PSD3: variants seen among roughly 807,000 people sequenced by gnomAD.
PSD3 encodes PH and SEC7 domain-containing protein 3.
Under a neutral mutation model 105.5 loss-of-function variants are expected in PSD3, and 49 were observed. That is an observed-to-expected ratio of 0.46 (90% confidence interval 0.37 to 0.59). PSD3 has a LOEUF of 0.59. Ranked by LOEUF, PSD3 falls within the 20% of genes least tolerant of loss-of-function variation. The pLI, the probability that PSD3 is intolerant of heterozygous loss-of-function variation, is 0.00. For synonymous variants in PSD3, 557 were observed against 457.8 expected (o/e 1.22, Z -2.77); for missense variants, 1,561 against 1,263.8 (o/e 1.24, Z -3.57).
intron 9 of PSD3, among the ~76,000 whole-genome samples, chr8:18,731,309 A>T (rs1254613390): frequency 6.6e-6 from 1 of 152,192 alleles, no homozygotes; most frequent in Non-Finnish European, 1.5e-5. Context: ...ATTTATTCTG[A>T]CTATGGACTA....
intron 4 of PSD3, chr8:18,808,631 A>C (rs1811409281): frequency 7.8e-7 from 1 of 1,277,144 alleles, no homozygotes; most frequent in Non-Finnish European, 1.1e-6. Context: ...AGCACAAAGG[A>C]TAAATATGTC....
intron 9 of PSD3, among the ~76,000 whole-genome samples, chr8:18,657,553 G>A (rs530993079): frequency 6.6e-6 from 1 of 152,184 alleles, no homozygotes; most frequent in Non-Finnish European, 1.5e-5. Flanking sequence ...CAAAGACTAT[G>A]CTATAAATTG....
At chr8:18,934,094 T>C (rs1179763787) in intron 2 of PSD3, among the ~76,000 whole-genome samples, 2 of 152,226 alleles carry the variant, frequency 1.3e-5, no homozygotes, top group East Asian at 1.9e-4. Flanking sequence ...AGTTATTATA[T>C]GGCTGTGTAT....
chr8:18,658,056 G>A (rs1363071571), intron 9 of PSD3, among the ~76,000 whole-genome samples: 1 of 152,192 alleles, frequency 6.6e-6, no homozygotes, highest in Non-Finnish European at 1.5e-5. Flanking sequence ...GATATCTCAT[G>A]AAGATAATCT....
intron 2 of PSD3, among the ~76,000 whole-genome samples, chr8:18,914,899 C>G (rs1230660890): frequency 2.6e-5 from 4 of 152,122 alleles, no homozygotes; most frequent in Admixed American, 2.6e-4. Flanking sequence ...ATAACCAAAC[C>G]AATCTGGTGC....
chr8:18,675,024 TAAAG>T (rs1287947594), intron 9 of PSD3, among the ~76,000 whole-genome samples: 1 of 150,432 alleles, frequency 6.6e-6, no homozygotes, highest in Non-Finnish European at 1.5e-5. Flanking sequence ...AAAGCAACAA[TAAAG>T]AAAAGTGTCA....
At chr8:18,623,531 C>T (rs28393119) in intron 11 of PSD3, among the ~76,000 whole-genome samples, 11,585 of 146,370 alleles carry the variant, frequency 0.079, 560 homozygotes, top group East Asian at 0.19. Flanking sequence ...TCCCAGCTAT[C>T]TGGGTGGCTG....
chr8:18,870,787 C>A (rs750814171), intron 3 of PSD3, among the ~76,000 whole-genome samples: 8 of 152,082 alleles, frequency 5.3e-5, no homozygotes, highest in Non-Finnish European at 1.2e-4. Flanking sequence ...TACTTCTGAC[C>A]CCCTGAGATG....
intron 9 of PSD3, among the ~76,000 whole-genome samples, chr8:18,757,938 T>C (rs1348805978): frequency 6.6e-6 from 1 of 152,208 alleles, no homozygotes; most frequent in Non-Finnish European, 1.5e-5. Flanking sequence ...AGCCTATTTT[T>C]ATATGATGCC....
chr8:18,926,967 C>G (rs553910632), intron 2 of PSD3, among the ~76,000 whole-genome samples: 1 of 151,998 alleles, frequency 6.6e-6, no homozygotes, highest in African/African-American at 2.4e-5. Flanking sequence ...GGGTCTAGAT[C>G]AAGGATCCCA....
intron 4 of PSD3, among the ~76,000 whole-genome samples, chr8:18,864,285 T>A (rs1001729996): frequency 1.3e-5 from 2 of 152,222 alleles, no homozygotes; most frequent in Non-Finnish European, 2.9e-5. Flanking sequence ...GTGTGACCTT[T>A]AGCAAGTTAC....
At position 18,687,806 on chromosome 8, in the gene PSD3, G is replaced by A. The variant is rs182395274; in HGVS notation, c.2173-32121C>T. 5.7e-3 allele frequency among the ~76,000 whole-genome samples: 863 copies of A among 152,078 alleles called. 7 individuals are homozygous for A. Among genetic ancestry groups the A allele is most frequent in the Non-Finnish European group, 8.6e-3 (584 of 67,978 alleles). On this transcript the variant is annotated intron_variant, in intron 9 of 15. Coordinates refer to ENST00000327040, the MANE Select transcript of PSD3 (RefSeq NM_015310.4). ...TTTTAAGATGGAGTCTTGCTCCATC[G>A]CCCAGGCTGGAGTACAGTGGCATGA...
chr8:18,552,238 G>A (rs373714638), intron 15 of PSD3, among the ~76,000 whole-genome samples: 1 of 152,114 alleles, frequency 6.6e-6, no homozygotes, highest in East Asian at 1.9e-4. Flanking sequence ...GGATTTAATA[G>A]GCTTGGGCTG....
At chr8:18,761,328 G>A (rs934612107) in intron 9 of PSD3, among the ~76,000 whole-genome samples, 6 of 152,142 alleles carry the variant, frequency 3.9e-5, no homozygotes, top group Non-Finnish European at 5.9e-5. Flanking sequence ...AATCTCACTC[G>A]CCTCTAAAAA....
chr8:18,957,555 C>A (rs1189282341), intron 1 of PSD3, among the ~76,000 whole-genome samples: 3 of 151,974 alleles, frequency 2.0e-5, no homozygotes, highest in African/African-American at 7.3e-5. Context: ...GGAATGCTGA[C>A]AGAAGATGGC....
At chr8:19,039,209 T>C (rs1434533095) in intron 1 of PSD3, among the ~76,000 whole-genome samples, 1 of 152,234 alleles carries the variant, frequency 6.6e-6, no homozygotes, top group African/African-American at 2.4e-5. Flanking sequence ...TTAGAGCCTT[T>C]GCATTCTTTT....
At chr8:18,787,735 G>A (rs751787258) in intron 8 of PSD3, among the ~76,000 whole-genome samples, 9 of 152,106 alleles carry the variant, frequency 5.9e-5, no homozygotes, top group Admixed American at 2.0e-4. Context: ...GTTTGTGTTC[G>A]TTTAAAGATA....
At chr8:18,688,016 T>C (rs1800757436) in intron 9 of PSD3, among the ~76,000 whole-genome samples, 1 of 152,030 alleles carries the variant, frequency 6.6e-6, no homozygotes, top group Non-Finnish European at 1.5e-5. Flanking sequence ...TAATCCACCC[T>C]CCTCTGCCTC....
In PSD3 at chr8:19,043,748, C is replaced by T. The variant is rs528166845; in HGVS notation, c.324+40458G>A. 1.2e-3 allele frequency among the ~76,000 whole-genome samples: 177 copies of T among 152,252 alleles called. 2 individuals carry two copies. Among genetic ancestry groups the T allele is most frequent in the African/African-American group, 4.0e-3 (168 of 41,536 alleles). On this transcript the variant is annotated intron_variant, in intron 1 of 1. Coordinates refer to the PSD3 transcript ENST00000521475. Reference sequence around the variant, plus strand: ...CTTCTTTTGCCATTTCCCCTTTTGCCACAGATGACACAGCAAGAAGGCCCT... The same window carrying T: ...CTTCTTTTGCCATTTCCCCTTTTGCTACAGATGACACAGCAAGAAGGCCCT...
Sources: gnomAD v4.1 joint callset for allele counts (sites outside exome capture counted in the v4.1 genomes callset) on GRCh38, gnomAD v4.1.1 for gene constraint, MANE v1.5 for transcripts, NCBI Gene and HGNC (gene_info 2026-07-23, HGNC 2026-07-21) for gene names.